Variants in PAPOLA observed in about 807,000 individuals in gnomAD.
PAPOLA encodes polynucleotide adenylyltransferase alpha.
In PAPOLA, 15 loss-of-function variants were observed where a neutral mutation model predicts 100.6. The observed-to-expected ratio is 0.15, with a 90% CI of 0.10 to 0.23. The LOEUF (loss-of-function observed/expected upper bound fraction) is 0.23. PAPOLA is among the 10% of genes least tolerant of loss of function. PAPOLA has a pLI of 1.00. For missense variants in PAPOLA, 533 were observed against 884.2 expected, an observed-to-expected ratio of 0.60 and a Z score of 5.04; for synonymous variants, 293 against 300.0, an observed-to-expected ratio of 0.98 and a Z score of 0.24.
At chr14:96,554,697 A>T (rs1901148296) in intron 17 of PAPOLA, among the ~76,000 whole-genome samples, 2 of 152,168 alleles carry the variant, frequency 1.3e-5, no homozygotes, top group Admixed American at 6.5e-5. Context: ...TTCTTTTAGG[A>T]GGTAATAAAA....
intron 17 of PAPOLA, among the ~76,000 whole-genome samples, chr14:96,554,953 A>G (rs771970736): frequency 2.6e-5 from 4 of 152,078 alleles, no homozygotes; most frequent in Non-Finnish European, 5.9e-5. Flanking sequence ...ATACTTGGCT[A>G]GTGGCTTTTG....
At position 96,536,787 on chromosome 14, in the gene PAPOLA, AT is replaced by A. The variant is rs536257871; in HGVS notation, c.1031-188del. 3.4e-3 allele frequency: 1,453 copies of A among 424,868 alleles called. 25 individuals are homozygous for A. Among genetic ancestry groups the A allele is most frequent in the African/African-American group, 0.027 (1,310 of 49,026 alleles). 26.3% of individuals were successfully genotyped at this position (424,868 alleles called of 1,614,324 possible). Reference sequence around the variant, plus strand: ...TTACCAGAAACCTGGTTCTCAAAAAATCTTCCAGCTTTTTAAAAAAAAAATG... The same window carrying A: ...TTACCAGAAACCTGGTTCTCAAAAAACTTCCAGCTTTTTAAAAAAAAAATG... On this transcript the variant is annotated intron_variant, in intron 11 of 21. Coordinates refer to ENST00000216277, the MANE Select transcript of PAPOLA (RefSeq NM_032632.5).
At chr14:96,550,232 G>C (rs1053218896) in intron 16 of PAPOLA, among the ~76,000 whole-genome samples, 3 of 152,012 alleles carry the variant, frequency 2.0e-5, no homozygotes, top group Non-Finnish European at 4.4e-5. Context: ...TTTAGAACTT[G>C]GCTATTTCTT....
intron 1 of PAPOLA, among the ~76,000 whole-genome samples, chr14:96,509,478 AGTAT>A (rs1896958777): frequency 6.6e-6 from 1 of 152,270 alleles, no homozygotes; most frequent in South Asian, 2.1e-4. Context: ...GTATACTTGT[AGTAT>A]ACACAGAATG....
At position 96,565,615 on chromosome 14, in the gene PAPOLA, A is replaced by C; in HGVS notation, c.*565A>C. Reference sequence around the variant, plus strand: ...CCTATGAGGTAGCTGTAACCCTTAAAAATGAAACGTCAACTCTAGGGTACA... The same window carrying C: ...CCTATGAGGTAGCTGTAACCCTTAACAATGAAACGTCAACTCTAGGGTACA... On this transcript the variant is annotated 3_prime_UTR_variant, in exon 22 of 22. Transcript: ENST00000216277. 5.1e-6 allele frequency: 2 copies of C among 395,852 alleles called. No individual in the cohort carries two copies. The highest frequency in any genetic ancestry group is 4.4e-5 in the Admixed American group (1 of 22,724). The allele number at this position is 395,852 out of a possible 1,614,324, so 24.5% of individuals were successfully genotyped here. A position where few individuals can be genotyped will look rare whatever the true frequency, so the allele number is the denominator to read the frequency against.
intron 13 of PAPOLA, 117 bp downstream of exon 13, chr14:96,542,413 T>G: frequency 1.5e-6 from 1 of 665,106 alleles, no homozygotes; most frequent in Non-Finnish European, 2.7e-6. Context: ...TTTGATTTGT[T>G]CACAAATGGA....
In PAPOLA at chr14:96,556,356, C is replaced by A; in HGVS notation, c.1947C>A (p.Val649=). Residue 649 remains valine, a synonymous_variant, in exon 19 of 22, where the codon GTC becomes GTA. Transcript: ENST00000216277. ...AAATACCTACTCCTATAGTAGGAGT[C>A]AAGAGGACATCCTCACCTCATAAAG... ...ATKIPTPIVG[V]KRTSSPHKEE... The A allele has an allele frequency of 6.2e-7, 1 of 1,613,642 alleles. No individual in the cohort carries two copies. Among genetic ancestry groups the A allele is most frequent in the South Asian group, 1.1e-5 (1 of 91,054 alleles).
chr14:96,542,497 A>C, intron 13 of PAPOLA: 1 of 552,030 alleles, frequency 1.8e-6, no homozygotes, highest in Non-Finnish European at 3.2e-6. Flanking sequence ...TGCTTTATGG[A>C]GATCCGTGCA....
intron 1 of PAPOLA, among the ~76,000 whole-genome samples, chr14:96,515,682 CA>C (rs1237325700): frequency 6.6e-6 from 1 of 152,170 alleles, no homozygotes; most frequent in Non-Finnish European, 1.5e-5. Context: ...GAAAATGGAC[CA>C]GTTGCTCAAG....
At position 96,537,257 on chromosome 14, in the gene PAPOLA, C is replaced by T. The variant is rs538747213; in HGVS notation, c.1115+197C>T. On this transcript the variant is annotated intron_variant, in intron 12 of 21. Coordinates refer to ENST00000216277, the MANE Select transcript of PAPOLA (RefSeq NM_032632.5). ...ATGTGAAGCCCCTTTGATTTTTCTG[C>T]CCGATCTAACTGAACTCCTGCTACA... 4 of 552,618 alleles carry T rather than the reference C, an allele frequency of 7.2e-6. No individual in the cohort carries two copies. The East Asian group carries it at 1.2e-4, about 16-fold the overall frequency. The allele number at this position is 552,618 out of a possible 1,614,324, so 34.2% of individuals were successfully genotyped here.
At chr14:96,531,892 C>T (rs896286377) in intron 7 of PAPOLA, 1 of 1,356,768 alleles carries the variant, frequency 7.4e-7, no homozygotes, top group African/African-American at 1.5e-5. Flanking sequence ...TAATTTTGAT[C>T]CTGTTATTCT....
intron 6 of PAPOLA, among the ~76,000 whole-genome samples, chr14:96,529,290 A>T (rs1440092568): frequency 6.6e-6 from 1 of 151,960 alleles, no homozygotes; most frequent in African/African-American, 2.4e-5. Flanking sequence ...AAATTGGGGG[A>T]GACTTTGAAA....
intron 18 of PAPOLA, 23 bp from the exon 19 acceptor site, chr14:96,556,152 A>G (rs1227823304): frequency 1.4e-5 from 22 of 1,547,134 alleles, no homozygotes; most frequent in Non-Finnish European, 1.9e-5. Context: ...TAATTTGTAT[A>G]TACTCATATA....
rs938095689 is a variant in PAPOLA at position 96,566,866 on chromosome 14, T to G, written c.*1816T>G. On this transcript the variant is annotated 3_prime_UTR_variant, in exon 22 of 22. Transcript: ENST00000216277. ...GGAAAACAATTCAGTTTATTAAACG[T>G]TTCATGTAACTGCACCCAAGTTTTG... 2.0e-5 allele frequency: 3 copies of G among 152,600 alleles called. No individual in the cohort carries two copies. Among genetic ancestry groups the G allele is most frequent in the Non-Finnish European group, 4.4e-5 (3 of 68,024 alleles). 9.5% of individuals were successfully genotyped at this position (152,600 alleles called of 1,614,324 possible).
intron 1 of PAPOLA, among the ~76,000 whole-genome samples, chr14:96,508,931 T>G (rs1280097208): frequency 6.6e-6 from 1 of 152,212 alleles, no homozygotes; most frequent in African/African-American, 2.4e-5. Context: ...AATTGTAGAT[T>G]GGGGCTTAAA....
At chr14:96,532,302 G>GTT (rs749050849) in intron 7 of PAPOLA, 29 bp from the exon 8 acceptor site, 5 of 1,564,066 alleles carry the variant, frequency 3.2e-6, no homozygotes, top group Admixed American at 1.9e-5. Flanking sequence ...GTGTGTGTGT[G>GTT]TGTGTTTTTT....
intron 16 of PAPOLA, among the ~76,000 whole-genome samples, chr14:96,550,116 T>TAA (rs1900724990): frequency 6.6e-6 from 1 of 152,246 alleles, no homozygotes; most frequent in Non-Finnish European, 1.5e-5. Context: ...GCCATTGCAC[T>TAA]TCAGTCTGAG....
intron 15 of PAPOLA, among the ~76,000 whole-genome samples, chr14:96,547,092 G>A (rs1900449675): frequency 6.6e-6 from 1 of 151,888 alleles, no homozygotes; most frequent in African/African-American, 2.4e-5. Context: ...ATTTTTTTGT[G>A]TTTATTCTAT....
At chr14:96,526,356 T>A (rs1315678103) in intron 4 of PAPOLA, 1 of 152,212 alleles carries the variant, frequency 6.6e-6, no homozygotes, top group Non-Finnish European at 1.5e-5. Flanking sequence ...TGTACTGTCT[T>A]TGGGTCTTGC....
Sources: gnomAD v4.1 joint callset for allele counts (sites outside exome capture counted in the v4.1 genomes callset) on GRCh38, gnomAD v4.1.1 for gene constraint, MANE v1.5 for transcripts, NCBI Gene and HGNC (gene_info 2026-07-23, HGNC 2026-07-21) for gene names.